Variants in KALRN observed in about 807,000 individuals in gnomAD.
KALRN encodes the protein kalirin RhoGEF kinase, also known as kalirin.
A neutral mutation model predicts 353.7 loss-of-function variants in KALRN; 70 were observed. The ratio of observed to expected loss-of-function variants is 0.20; its 90% CI spans 0.16 to 0.24. The LOEUF (loss-of-function observed/expected upper bound fraction) is 0.24. KALRN is among the 10% of genes least tolerant of loss of function. The probability of loss-of-function intolerance (pLI) is 1.00; values close to 1 mark genes in which losing one functional copy is unlikely to be tolerated. For synonymous variants in KALRN, 1,391 were observed against 1,434.8 expected, an observed-to-expected ratio of 0.97 and a Z score of 0.69; for missense variants, 2,791 against 3,756.7, an observed-to-expected ratio of 0.74 and a Z score of 6.72.
intron 33 of KALRN, among the ~76,000 whole-genome samples, chr3:124,533,538 A>G (rs538106847): frequency 9.9e-5 from 15 of 152,266 alleles, no homozygotes; most frequent in Admixed American, 6.5e-4. Context: ...CAAGCTTCTC[A>G]GGAGGCTGAG....
In KALRN at chr3:124,268,746, A is replaced by G; in HGVS notation, c.460A>G (p.Ser154Gly). Residue 154 changes from serine (S) to glycine (G), a missense_variant, in exon 5 of 60, where the codon AGC (serine) becomes GGC (glycine). This residue lies in a region of KALRN where 110 missense variants were observed against 204.1 expected (regional missense o/e 0.54). Transcript: ENST00000682506. ...TGTCTGTGTCTGCCCCTTCCAGACG[A>G]GCATGGTATCTGTGGAGGGCCTCAC... ...FGSSKFIFETSMVSVEGLTKL... is the reference protein window; with the variant it reads ...FGSSKFIFETGMVSVEGLTKL... 1 of 1,613,936 alleles carries G rather than the reference A, an allele frequency of 6.2e-7. No homozygotes were observed. The highest frequency in any genetic ancestry group is 8.5e-7 in the Non-Finnish European group (1 of 1,179,878).
chr3:124,366,538 C>G (rs544042573), intron 10 of KALRN, among the ~76,000 whole-genome samples: 4,661 of 148,816 alleles, frequency 0.031, 190 homozygotes, highest in African/African-American at 0.1. Flanking sequence ...CACAGATCAA[C>G]AGGATCCCAA....
At chr3:124,524,670 C>G (rs2067440883) in intron 33 of KALRN, among the ~76,000 whole-genome samples, 1 of 152,022 alleles carries the variant, frequency 6.6e-6, no homozygotes, top group Admixed American at 6.5e-5. Flanking sequence ...ATTAGAGAAC[C>G]CATAAGAAAG....
intron 23 of KALRN, among the ~76,000 whole-genome samples, chr3:124,460,291 A>T (rs903869117): frequency 1.3e-5 from 2 of 152,162 alleles, no homozygotes; most frequent in African/African-American, 4.8e-5. Flanking sequence ...GGATGAGGGG[A>T]CTATACCTGG....
intron 34 of KALRN, 91 bp downstream of exon 34, chr3:124,563,180 T>C: frequency 7.9e-7 from 1 of 1,261,660 alleles, no homozygotes; most frequent in South Asian, 1.3e-5. Flanking sequence ...AAGTGACCTG[T>C]CTCACAGACC....
At chr3:124,314,693 G>A (rs1314542833) in intron 6 of KALRN, among the ~76,000 whole-genome samples, 1 of 152,152 alleles carries the variant, frequency 6.6e-6, no homozygotes, top group Non-Finnish European at 1.5e-5. Flanking sequence ...ATCTGGTTCT[G>A]TCTCCTAGGC....
At chr3:124,189,951 A>G (rs941168387) in intron 1 of KALRN, among the ~76,000 whole-genome samples, 2 of 151,940 alleles carry the variant, frequency 1.3e-5, no homozygotes, top group East Asian at 1.9e-4. Flanking sequence ...AAAAAAAAAA[A>G]AAGCAACATA....
chr3:124,424,905 G>C (rs781071241), intron 15 of KALRN, among the ~76,000 whole-genome samples: 1 of 152,176 alleles, frequency 6.6e-6, no homozygotes, highest in Non-Finnish European at 1.5e-5. Context: ...CCTCTTGACT[G>C]GTCAGCTGAA....
At chr3:124,364,540 G>C (rs370565276) in intron 10 of KALRN, among the ~76,000 whole-genome samples, 45 of 152,332 alleles carry the variant, frequency 3.0e-4, no homozygotes, top group African/African-American at 1.0e-3. Flanking sequence ...TGCTTTGAAA[G>C]TGGGGAGCCA....
At chr3:124,622,551 A>G (rs1364223888) in intron 34 of KALRN, among the ~76,000 whole-genome samples, 1 of 152,170 alleles carries the variant, frequency 6.6e-6, no homozygotes, top group Non-Finnish European at 1.5e-5. Flanking sequence ...CATAAGTAAT[A>G]TATTTGTGAT....
Position 124,700,139 on chromosome 3 carries a change from G to T in KALRN, c.7996+106G>T, listed in dbSNP as rs2062249915. ...GACATGTCAGGCCACCATGCAAGAGGCACCTTTTAGAGGACTAAGAAGAAT... is the reference window on the plus strand; with the variant it reads ...GACATGTCAGGCCACCATGCAAGAGTCACCTTTTAGAGGACTAAGAAGAAT... On this transcript the variant is annotated intron_variant, in intron 56 of 59. Coordinates refer to ENST00000682506, the MANE Select transcript of KALRN (RefSeq NM_001388419.1). 5 of 1,041,554 alleles carry T rather than the reference G, an allele frequency of 4.8e-6. No individual in the cohort carries two copies. The Admixed American group carries it at 1.0e-4, about 21-fold the overall frequency. 64.5% of individuals were successfully genotyped at this position (1,041,554 alleles called of 1,614,324 possible). A position where few individuals can be genotyped will look rare whatever the true frequency, so the allele number is the denominator to read the frequency against.
chr3:124,381,762 C>T (rs2087419307), intron 10 of KALRN, among the ~76,000 whole-genome samples: 1 of 152,156 alleles, frequency 6.6e-6, no homozygotes, highest in Admixed American at 6.5e-5. Context: ...GCATACCAGC[C>T]ACAGCACTTG....
At chr3:124,555,716 T>C (rs1317658945) in intron 33 of KALRN, among the ~76,000 whole-genome samples, 2 of 152,190 alleles carry the variant, frequency 1.3e-5, no homozygotes, top group Admixed American at 1.3e-4. Context: ...ATCTCAGTTA[T>C]ATATCAGGCA....
Position 124,495,989 on chromosome 3 carries a change from A to G in KALRN, c.4833-322A>G, listed in dbSNP as rs866039547. On this transcript the variant is annotated intron_variant, in intron 32 of 59. Coordinates refer to ENST00000682506, the MANE Select transcript of KALRN (RefSeq NM_001388419.1). ...TGTATATATATATATATATATATAT[A>G]TATATATATATATATATATATATAC... 6.3e-3 allele frequency among the ~76,000 whole-genome samples: 336 copies of G among 53,648 alleles called. 52 individuals carry two copies. The South Asian group carries it at 0.13, about 21-fold the overall frequency. The allele number at this position is 53,648 out of a possible 152,430, so 35.2% of individuals were successfully genotyped here. A position where few individuals can be genotyped will look rare whatever the true frequency, so the allele number is the denominator to read the frequency against.
chr3:124,366,528 C>T (rs899767410), intron 10 of KALRN, among the ~76,000 whole-genome samples: 1 of 148,588 alleles, frequency 6.7e-6, no homozygotes, highest in African/African-American at 2.5e-5. Flanking sequence ...GGGGTAAGGT[C>T]ACAGATCAAC....
In KALRN at chr3:124,279,513, G is replaced by A. The variant is rs575240775; in HGVS notation, c.969+10258G>A. Among the ~76,000 whole-genome samples, 11 of 152,310 alleles carry A rather than the reference G, an allele frequency of 7.2e-5. No homozygotes were observed. In the South Asian group the frequency reaches 2.3e-3, roughly 32 times the overall value. ...CCCCATCCACAACAAAGATGCCAGA[G>A]TGGAAAGTAGGCAGCCTGTGGCAGC... On this transcript the variant is annotated intron_variant, in intron 5 of 59. Coordinates refer to ENST00000682506, the MANE Select transcript of KALRN (RefSeq NM_001388419.1).
intron 34 of KALRN, among the ~76,000 whole-genome samples, chr3:124,580,842 T>C (rs2074554605): frequency 6.6e-6 from 1 of 152,110 alleles, no homozygotes; most frequent in Admixed American, 6.5e-5. Flanking sequence ...GTGTGGTGGC[T>C]CACACCTGTA....
chr3:124,559,941 G>C (rs1315252885), intron 33 of KALRN, among the ~76,000 whole-genome samples: 1 of 152,348 alleles, frequency 6.6e-6, no homozygotes, highest in South Asian at 2.1e-4. Flanking sequence ...TGTCTACAAC[G>C]TGTGAGCATG....
At position 124,368,213 on chromosome 3, in the gene KALRN, G is replaced by T. The variant is rs1309004561; in HGVS notation, c.1771-16632G>T. Among the ~76,000 whole-genome samples, 9 of 121,342 alleles carry T rather than the reference G, an allele frequency of 7.4e-5. 1 individual carries two copies. The highest frequency in any genetic ancestry group is 2.4e-4 in the African/African-American group (7 of 29,554). The allele number at this position is 121,342 out of a possible 152,430, so 79.6% of individuals were successfully genotyped here. A position where few individuals can be genotyped will look rare whatever the true frequency, so the allele number is the denominator to read the frequency against. On this transcript the variant is annotated intron_variant, in intron 10 of 59. Coordinates refer to ENST00000682506, the MANE Select transcript of KALRN (RefSeq NM_001388419.1). ...GGCTGACCCCCCACACCTCCCTCCC[G>T]GACAGCACGGCTGGCCAGGCGGGGG...
Sources: allele counts gnomAD v4.1 joint callset (sites outside exome capture counted in the v4.1 genomes callset), GRCh38; gene constraint gnomAD v4.1.1; regional missense constraint gnomAD v4.1.1; transcripts MANE v1.5; gene names NCBI Gene and HGNC (gene_info 2026-07-23, HGNC 2026-07-21).